The following ALCAM variants were observed in gnomAD, a reference collection of about 807,000 sequenced individuals.
ALCAM encodes the protein activated leukocyte cell adhesion molecule.
ALCAM carries 30 observed loss-of-function variants against 70.9 expected under a neutral mutation model. The ratio of observed to expected loss-of-function variants is 0.42; its 90% confidence interval spans 0.32 to 0.57. ALCAM has a LOEUF of 0.57. Ranked by LOEUF, ALCAM falls within the 20% of genes least tolerant of loss-of-function variation. The pLI is 0.11. For missense variants in ALCAM, 591 were observed against 695.1 expected (o/e 0.85, Z 1.68); for synonymous variants, 249 against 242.5 (o/e 1.03, Z -0.25).
chr3:105,419,205 C>T (rs1019525407), intron 1 of ALCAM, among the ~76,000 whole-genome samples: 1 of 151,616 alleles, frequency 6.6e-6, no homozygotes, highest in Non-Finnish European at 1.5e-5. Context: ...TCTTCATCTA[C>T]TTCCTGAAAC....
At chr3:105,528,443 A>T (rs944289977) in intron 3 of ALCAM, among the ~76,000 whole-genome samples, 13 of 152,210 alleles carry the variant, frequency 8.5e-5, no homozygotes, top group African/African-American at 3.1e-4. Context: ...ATAACTGCAG[A>T]TGATATAAAA....
chr3:105,505,814 A>G (rs774625356), intron 1 of ALCAM, among the ~76,000 whole-genome samples: 1 of 152,210 alleles, frequency 6.6e-6, no homozygotes, highest in South Asian at 2.1e-4. Context: ...AGATAAAGAT[A>G]TAACCTACAC....
intron 1 of ALCAM, among the ~76,000 whole-genome samples, chr3:105,374,673 C>T (rs1010064197): frequency 1.3e-5 from 2 of 151,948 alleles, no homozygotes; most frequent in African/African-American, 2.4e-5. Context: ...CCCACCAGCT[C>T]GCCCAGCTAA....
chr3:105,503,631 C>A (rs1344092777), intron 1 of ALCAM, among the ~76,000 whole-genome samples: 2 of 152,164 alleles, frequency 1.3e-5, no homozygotes, highest in African/African-American at 2.4e-5. Flanking sequence ...TCACTGCCAT[C>A]CTTAAAATGA....
At chr3:105,404,698 G>A (rs556999383) in intron 1 of ALCAM, among the ~76,000 whole-genome samples, 22 of 150,916 alleles carry the variant, frequency 1.5e-4, no homozygotes, top group African/African-American at 4.9e-4. Context: ...AGGTATTTAG[G>A]AAAAAAAATA....
At chr3:105,433,888 A>G (rs111947221) in intron 1 of ALCAM, among the ~76,000 whole-genome samples, 26 of 145,672 alleles carry the variant, frequency 1.8e-4, no homozygotes, top group Middle Eastern at 4.0e-3. Context: ...ATTAAAGTCT[A>G]TCCCACTGCA....
intron 3 of ALCAM, among the ~76,000 whole-genome samples, chr3:105,528,733 G>C (rs1343189650): frequency 1.3e-5 from 2 of 152,134 alleles, no homozygotes; most frequent in African/African-American, 4.8e-5. Context: ...CTTTCAGAGG[G>C]AGGAGGGTAG....
intron 1 of ALCAM, among the ~76,000 whole-genome samples, chr3:105,489,951 T>G (rs750636298): frequency 1.3e-5 from 2 of 152,254 alleles, no homozygotes; most frequent in African/African-American, 2.4e-5. Flanking sequence ...TTTTTCACAT[T>G]CCAGTCATGC....
intron 1 of ALCAM, among the ~76,000 whole-genome samples, chr3:105,426,331 A>G (rs1444702970): frequency 6.6e-6 from 1 of 151,972 alleles, no homozygotes; most frequent in Non-Finnish European, 1.5e-5. Context: ...TCTTGGAAAT[A>G]AAACATTATT....
At chr3:105,441,942 A>T (rs1332901000) in intron 1 of ALCAM, among the ~76,000 whole-genome samples, 1 of 152,198 alleles carries the variant, frequency 6.6e-6, no homozygotes, top group Non-Finnish European at 1.5e-5. Flanking sequence ...TTGCACATAG[A>T]TCATTGCAGC....
chr3:105,530,730 T>TG (rs1939819573), intron 3 of ALCAM, among the ~76,000 whole-genome samples: 1 of 152,074 alleles, frequency 6.6e-6, no homozygotes, highest in Non-Finnish European at 1.5e-5. Flanking sequence ...TTTATTGTTT[T>TG]TGTTCATTAT....
chr3:105,380,617 A>T (rs1426041569), intron 1 of ALCAM, among the ~76,000 whole-genome samples: 2 of 151,910 alleles, frequency 1.3e-5, no homozygotes, highest in African/African-American at 4.8e-5. Context: ...TAAGGAAAAA[A>T]AATTCAATGA....
rs1940425695 is a variant in ALCAM at position 105,552,134 on chromosome 3, T to C, written c.1508-10T>C. 2 of 1,595,750 alleles carry C rather than the reference T, an allele frequency of 1.3e-6. No individual in the cohort carries two copies. The highest frequency in any genetic ancestry group is 1.4e-5 in the African/African-American group (1 of 73,630). On this transcript the variant is annotated splice_polypyrimidine_tract_variant and intron_variant, in intron 12 of 15. Transcript: ENST00000306107. ...TGTTTTTAATTTCATATTAACATTT[T>C]TCATTTCAGTAAGTATTCCAGAACA...
rs1281489742 is a variant in ALCAM, at chr3:105,368,192, C to CCTCAGTT, written c.73+721_73+727dup. 4.0e-5 allele frequency among the ~76,000 whole-genome samples: 5 copies of CCTCAGTT among 123,716 alleles called. No homozygotes were observed. In the East Asian group the frequency reaches 1.4e-3, roughly 34 times the overall value. 81.2% of individuals were successfully genotyped at this position (123,716 alleles called of 152,430 possible). A position where few individuals can be genotyped will look rare whatever the true frequency, so the allele number is the denominator to read the frequency against. ...GAATTTCCAGGACCTGCTCATAGAG[C>CCTCAGTT]CTCAGTTCTCAGTTCTGTACTGAGT... is the stretch of plus-strand genomic sequence containing the variant. On this transcript the variant is annotated intron_variant, in intron 1 of 15. Transcript: ENST00000306107.
intron 8 of ALCAM, among the ~76,000 whole-genome samples, chr3:105,542,753 A>C (rs1940153481): frequency 6.6e-6 from 1 of 151,676 alleles, no homozygotes; most frequent in South Asian, 2.1e-4. Flanking sequence ...ACAGGGAGGT[A>C]CATTGGGGAA....
chr3:105,482,490 T>C (rs773380069), intron 1 of ALCAM, among the ~76,000 whole-genome samples: 2 of 152,122 alleles, frequency 1.3e-5, no homozygotes, highest in Admixed American at 6.5e-5. Context: ...ATTAGGAAAA[T>C]TTGAATTATT....
intron 1 of ALCAM, among the ~76,000 whole-genome samples, chr3:105,503,127 G>A (rs751482024): frequency 6.6e-5 from 10 of 152,148 alleles, no homozygotes; most frequent in Non-Finnish European, 1.0e-4. Flanking sequence ...AAAAGGGCTC[G>A]CGTGTGTTAA....
chr3:105,446,212 T>G (rs1334831724), intron 1 of ALCAM, among the ~76,000 whole-genome samples: 3 of 151,870 alleles, frequency 2.0e-5, no homozygotes, highest in Non-Finnish European at 4.4e-5. Flanking sequence ...TGGCAATGGG[T>G]ATATGAAAAA....
chr3:105,541,602 T>C, intron 7 of ALCAM, 31 bp from the exon 8 acceptor site: 2 of 1,608,330 alleles, frequency 1.2e-6, no homozygotes, highest in Non-Finnish European at 1.7e-6. Context: ...CGACCAAGTA[T>C]AATCATCTGA....
Sources: gnomAD v4.1 joint callset for allele counts (sites outside exome capture counted in the v4.1 genomes callset) on GRCh38, gnomAD v4.1.1 for gene constraint, MANE v1.5 for transcripts, NCBI Gene and HGNC (gene_info 2026-07-23, HGNC 2026-07-21) for gene names.